Variants in SAMSN1 observed in about 807,000 individuals in gnomAD.
SAMSN1 encodes SAM domain-containing protein SAMSN-1.
SAMSN1 carries 31 observed loss-of-function variants against 42.0 expected under a neutral mutation model. The observed-to-expected ratio is 0.74, with a 90% CI of 0.55 to 1.00. SAMSN1 has a LOEUF of 1.00. SAMSN1 is among the 50% of genes least tolerant of loss of function. SAMSN1 has a pLI of 0.00. For missense variants in SAMSN1, 464 were observed against 439.4 expected (o/e 1.06, Z -0.50); for synonymous variants, 178 against 151.9 (o/e 1.17, Z -1.26).
rs573812251 is a variant in SAMSN1 at position 14,645,389 on chromosome 21, T to A, written c.25-2256A>T. ...GTCTCTGACTGGTCATCCAGGGAGTTCTCCCATATCTGGTCGAAAACCATC... is the reference window on the plus strand; with the variant it reads ...GTCTCTGACTGGTCATCCAGGGAGTACTCCCATATCTGGTCGAAAACCATC... On this transcript the variant is annotated intron_variant, in intron 1 of 15. Transcript: ENST00000647101. Among the ~76,000 whole-genome samples, 83 of 152,304 alleles carry A rather than the reference T, an allele frequency of 5.4e-4. No homozygotes were observed. In the Middle Eastern group the frequency reaches 0.02, roughly 37 times the overall value.
At chr21:14,520,757 A>G (rs1251517129) in intron 2 of SAMSN1, among the ~76,000 whole-genome samples, 1 of 152,048 alleles carries the variant, frequency 6.6e-6, no homozygotes, top group Non-Finnish European at 1.5e-5. Flanking sequence ...GAGCTATGGG[A>G]AGGTCGTGTG....
chr21:14,488,407 C>T (rs773978043), intron 7 of SAMSN1, among the ~76,000 whole-genome samples: 2 of 152,134 alleles, frequency 1.3e-5, no homozygotes, highest in Non-Finnish European at 2.9e-5. Context: ...AATTGTGGGG[C>T]TCTCTTCAGG....
chr21:14,560,198 G>C (rs1036928426), intron 2 of SAMSN1, among the ~76,000 whole-genome samples: 1 of 152,158 alleles, frequency 6.6e-6, no homozygotes, highest in Non-Finnish European at 1.5e-5. Context: ...GGTAATTCTT[G>C]AGAAAACATT....
intron 2 of SAMSN1, among the ~76,000 whole-genome samples, chr21:14,618,180 G>C (rs1027199161): frequency 2.0e-5 from 3 of 152,154 alleles, no homozygotes; most frequent in Non-Finnish European, 4.4e-5. Flanking sequence ...AATCAGTTTA[G>C]GTTTGGGAAA....
At chr21:14,656,883 G>A (rs577544718) in intron 1 of SAMSN1, among the ~76,000 whole-genome samples, 52 of 151,904 alleles carry the variant, frequency 3.4e-4, no homozygotes, top group African/African-American at 1.2e-3. Flanking sequence ...GCTTCCCAGA[G>A]ATTTAAAGGT....
chr21:14,578,392 C>T (rs1190975956), intron 2 of SAMSN1, among the ~76,000 whole-genome samples: 1 of 152,032 alleles, frequency 6.6e-6, no homozygotes, highest in African/African-American at 2.4e-5. Context: ...CAAGGACTTC[C>T]TCAAAGATGA....
chr21:14,548,264 C>G (rs988643579), upstream of SAMSN1, among the ~76,000 whole-genome samples: 2 of 151,952 alleles, frequency 1.3e-5, no homozygotes, highest in African/African-American at 4.8e-5. Context: ...AAATGAAATA[C>G]CAATAAAGGA....
rs778360439 is a variant in SAMSN1 at position 14,510,353 on chromosome 21, T to A, written c.518A>T (p.Asp173Val). The stretch of plus-strand genomic sequence containing the variant: ...AGTGTCATAGGGACTTGGCGTGAAA[T>A]CCGTATGCACTCTGGCACGGCCACA... ...PFCGRARVHT[D>V]FTPSPYDTDS... The change falls in exon 5 of 8, where the codon GAT becomes GTT. Residue 173 changes from aspartate (D) to valine (V), a missense_variant. Coordinates refer to ENST00000400566, the MANE Select transcript of SAMSN1 (RefSeq NM_022136.5). 3.1e-6 allele frequency: 5 copies of A among 1,614,030 alleles called. No homozygotes were observed. In the Admixed American group the frequency reaches 8.3e-5, roughly 27 times the overall value.
chr21:14,522,886 A>G (rs1439477511), intron 1 of SAMSN1, among the ~76,000 whole-genome samples: 7 of 152,162 alleles, frequency 4.6e-5, no homozygotes, highest in African/African-American at 1.2e-4. Context: ...TGCTGCTCCA[A>G]CGCAGGGCAC....
chr21:14,500,612 G>C lies in SAMSN1; in HGVS notation c.685C>G (p.Pro229Ala), dbSNP rs1372149017. 6.2e-7 allele frequency: 1 copy of C among 1,613,764 alleles called. No homozygotes were observed. The highest frequency in any genetic ancestry group is 1.3e-5 in the African/African-American group (1 of 74,818). The change falls in exon 6 of 8, where the codon CCC becomes GCC. Residue 229 changes from proline (P) to alanine (A), a missense_variant. Transcript: ENST00000400566. ...CTTCGGTTTGCCTTTATTTTCTTGG[G>C]GGCTGCTTCCTCTTCTGAGATGACA... ...VDVISEEEAA[P>A]KKIKANRRSN...
intron 1 of SAMSN1, among the ~76,000 whole-genome samples, chr21:14,649,763 C>T (rs1263013897): frequency 7.3e-6 from 1 of 136,530 alleles, no homozygotes; most frequent in Non-Finnish European, 1.5e-5. Context: ...GAGTGAGACA[C>T]TGTCTCAAAA....
intron 1 of SAMSN1, among the ~76,000 whole-genome samples, chr21:14,536,801 A>C (rs1265451202): frequency 1.3e-5 from 2 of 152,344 alleles, no homozygotes; most frequent in Non-Finnish European, 2.9e-5. Context: ...AACTGGAAGC[A>C]AGAATGGGAC....
intron 3 of SAMSN1, among the ~76,000 whole-genome samples, chr21:14,614,659 C>T (rs1180488166): frequency 6.6e-6 from 1 of 152,082 alleles, no homozygotes; most frequent in Non-Finnish European, 1.5e-5. Flanking sequence ...ATAAGGTTTC[C>T]TTTTTCTTAA....
chr21:14,596,440 T>C (rs996425742), intron 6 of SAMSN1, among the ~76,000 whole-genome samples: 6 of 152,162 alleles, frequency 3.9e-5, no homozygotes, highest in African/African-American at 1.4e-4. Context: ...CACTCACAAA[T>C]TCTTTTACAC....
chr21:14,615,505 C>T (rs1374686496), intron 3 of SAMSN1, among the ~76,000 whole-genome samples: 2 of 152,102 alleles, frequency 1.3e-5, no homozygotes, highest in East Asian at 1.9e-4. Flanking sequence ...ATGTGTAATT[C>T]GTGCTTATCA....
chr21:14,601,348 T>C (rs183734746), intron 6 of SAMSN1, among the ~76,000 whole-genome samples: 2 of 152,306 alleles, frequency 1.3e-5, no homozygotes, highest in African/African-American at 4.8e-5. Context: ...TTTAGGAATG[T>C]GAGCCCCCCC....
Position 14,517,037 on chromosome 21 carries a change from T to C in SAMSN1, c.134A>G (p.His45Arg), listed in dbSNP as rs2123015189. The C allele has an allele frequency of 6.2e-7, 1 of 1,608,860 alleles. No individual in the cohort carries two copies. The highest frequency in any genetic ancestry group is 8.5e-7 in the Non-Finnish European group (1 of 1,178,238). Residue 45 changes from histidine (H) to arginine (R), a missense_variant, in exon 3 of 8, where the codon CAT becomes CGT. Coordinates refer to ENST00000400566, the MANE Select transcript of SAMSN1 (RefSeq NM_022136.5). ...ACTTCCATTTGTGGGATCTCCTTCA[T>C]GTGCCTAGTTTAGAATTGTTTACAA... ...LSKPDDSTEAHEGDPTNGSGE... is the reference protein window; with the variant it reads ...LSKPDDSTEAREGDPTNGSGE...
chr21:14,645,153 C>T (rs1027988851), intron 1 of SAMSN1, among the ~76,000 whole-genome samples: 17 of 152,312 alleles, frequency 1.1e-4, no homozygotes, highest in South Asian at 2.1e-4. Context: ...AGAGCCTGAG[C>T]GCTTTGAGTG....
intron 2 of SAMSN1, among the ~76,000 whole-genome samples, chr21:14,551,522 C>G (rs182566653): frequency 5.3e-5 from 8 of 152,010 alleles, no homozygotes; most frequent in African/African-American, 2.4e-5. Context: ...GCAAATTACT[C>G]AGATTACTTC....
Sources: allele counts gnomAD v4.1 joint callset (sites outside exome capture counted in the v4.1 genomes callset), GRCh38; gene constraint gnomAD v4.1.1; transcripts MANE v1.5; gene names NCBI Gene and HGNC (gene_info 2026-07-23, HGNC 2026-07-21).